ST6GAL1: variants seen among roughly 807,000 people sequenced by gnomAD.
The protein encoded by ST6GAL1 is beta-galactoside alpha-2,6-sialyltransferase 1.
ST6GAL1 carries 20 observed loss-of-function variants against 38.0 expected under a neutral mutation model. The ratio of observed to expected loss-of-function variants is 0.53; its 90% CI spans 0.37 to 0.77. ST6GAL1 has a LOEUF of 0.77. ST6GAL1 is among the 30% of genes least tolerant of loss of function. The pLI is 0.00. For synonymous variants in ST6GAL1, 196 were observed against 188.2 expected, an observed-to-expected ratio of 1.04 and a Z score of -0.34; for missense variants, 432 against 496.4, an observed-to-expected ratio of 0.87 and a Z score of 1.23.
intron 4 of ST6GAL1, among the ~76,000 whole-genome samples, chr3:187,050,510 G>A (rs532282890): frequency 6.6e-4 from 94 of 142,844 alleles, no homozygotes; most frequent in Non-Finnish European, 1.2e-3. Flanking sequence ...TTAGTACATT[G>A]TTTCTGACAA....
intron 1 of ST6GAL1, among the ~76,000 whole-genome samples, chr3:186,932,590 A>G (rs1560132445): frequency 1.3e-5 from 2 of 152,218 alleles, no homozygotes; most frequent in South Asian, 2.1e-4. Context: ...AAGGCCAGCT[A>G]CGGAGACTCA....
At position 187,072,669 on chromosome 3, in the gene ST6GAL1, A is replaced by G. The variant is rs984463818; in HGVS notation, c.706-180A>G. ...TTGTGATAAATGTCCTTTCAGGTCA[A>G]CACAGTGCAGGCTGGTATCTTTACC... On this transcript the variant is annotated intron_variant, in intron 5 of 7. Coordinates refer to ENST00000169298, the MANE Select transcript of ST6GAL1 (RefSeq NM_173216.2). 7.6e-6 allele frequency: 5 copies of G among 655,090 alleles called. No homozygotes were observed. In the African/African-American group the frequency reaches 8.9e-5, roughly 12 times the overall value. The allele number at this position is 655,090 out of a possible 1,614,324, so 40.6% of individuals were successfully genotyped here. A position where few individuals can be genotyped will look rare whatever the true frequency, so the allele number is the denominator to read the frequency against.
intron 2 of ST6GAL1, among the ~76,000 whole-genome samples, chr3:186,984,523 C>A (rs983093719): frequency 2.0e-5 from 3 of 152,126 alleles, no homozygotes; most frequent in African/African-American, 7.2e-5. Flanking sequence ...TTCCTTCCAA[C>A]CAGTGCACAC....
chr3:186,974,390 CT>C (rs1035870100), intron 2 of ST6GAL1, among the ~76,000 whole-genome samples: 1 of 152,130 alleles, frequency 6.6e-6, no homozygotes, highest in African/African-American at 2.4e-5. Flanking sequence ...TCATAACTCA[CT>C]TTATCACTCA....
chr3:186,941,446 A>G (rs1714168791), intron 1 of ST6GAL1, among the ~76,000 whole-genome samples: 1 of 152,184 alleles, frequency 6.6e-6, no homozygotes, highest in South Asian at 2.1e-4. Context: ...TTAGGACAAC[A>G]TATCGGAGGT....
At chr3:186,984,421 C>T (rs1715795617) in intron 2 of ST6GAL1, among the ~76,000 whole-genome samples, 1 of 152,116 alleles carries the variant, frequency 6.6e-6, no homozygotes, top group African/African-American at 2.4e-5. Flanking sequence ...CTTGCCAAGA[C>T]CTCAAAGGCC....
At chr3:186,947,448 G>A (rs1473707425) in intron 1 of ST6GAL1, among the ~76,000 whole-genome samples, 3 of 152,236 alleles carry the variant, frequency 2.0e-5, no homozygotes, top group African/African-American at 7.2e-5. Flanking sequence ...GATTTGTGGT[G>A]CACAGAGACC....
At chr3:186,988,440 A>G (rs1272419547) in intron 2 of ST6GAL1, among the ~76,000 whole-genome samples, 2 of 151,954 alleles carry the variant, frequency 1.3e-5, no homozygotes, top group Admixed American at 6.6e-5. Context: ...GAGATTCCCT[A>G]TAAATTTAAC....
At chr3:187,036,928 G>A (rs977600329) in intron 2 of ST6GAL1, among the ~76,000 whole-genome samples, 1 of 152,072 alleles carries the variant, frequency 6.6e-6, no homozygotes, top group East Asian at 1.9e-4. Flanking sequence ...TTTCTTCTTT[G>A]TGTGCGTATT....
chr3:187,061,100 T>G (rs1718901352), intron 5 of ST6GAL1, among the ~76,000 whole-genome samples: 3 of 152,084 alleles, frequency 2.0e-5, no homozygotes. Flanking sequence ...GAAAGGAAAT[T>G]TAAAAAACAA....
intron 2 of ST6GAL1, among the ~76,000 whole-genome samples, chr3:186,983,284 G>A (rs1050121695): frequency 6.6e-6 from 1 of 152,154 alleles, no homozygotes; most frequent in Non-Finnish European, 1.5e-5. Flanking sequence ...GGTTTTAAGG[G>A]AAGACAGACA....
At chr3:187,041,252 G>A (rs1219866792) in intron 3 of ST6GAL1, among the ~76,000 whole-genome samples, 3 of 152,176 alleles carry the variant, frequency 2.0e-5, no homozygotes, top group East Asian at 3.8e-4. Flanking sequence ...CACCAAGAAT[G>A]GGGATAAGAA....
chr3:187,037,260 CT>C (rs2108576285), intron 2 of ST6GAL1, among the ~76,000 whole-genome samples: 1 of 152,276 alleles, frequency 6.6e-6, no homozygotes, highest in African/African-American at 2.4e-5. Context: ...AATGTAAATT[CT>C]ATAAACTAGT....
intron 2 of ST6GAL1, among the ~76,000 whole-genome samples, chr3:186,990,819 A>AG (rs1028075298): frequency 2.0e-5 from 3 of 151,604 alleles, no homozygotes; most frequent in African/African-American, 7.3e-5. Flanking sequence ...ATCTCAAAAA[A>AG]GAAAAAAAAA....
At chr3:187,021,444 C>A (rs761831662) in intron 2 of ST6GAL1, among the ~76,000 whole-genome samples, 6 of 152,040 alleles carry the variant, frequency 3.9e-5, no homozygotes, top group African/African-American at 1.5e-4. Flanking sequence ...GTGGGCCTTA[C>A]AACCCTCCCA....
chr3:187,006,133 G>A lies in ST6GAL1; in HGVS notation c.-182-32609G>A, dbSNP rs916578504. On this transcript the variant is annotated intron_variant, in intron 2 of 7. Transcript: ENST00000169298. ...AGCCTAAGGAATTTATATTTTATCT[G>A]TGTTTCAGGGAACCATTGGAGGATA... The A allele has an allele frequency of 4.6e-5, 7 of 152,222 alleles. No individual in the cohort carries two copies. The East Asian group carries it at 1.3e-3, about 29-fold the overall frequency. 9.4% of individuals were successfully genotyped at this position (152,222 alleles called of 1,614,324 possible). A position where few individuals can be genotyped will look rare whatever the true frequency, so the allele number is the denominator to read the frequency against.
intron 2 of ST6GAL1, among the ~76,000 whole-genome samples, chr3:186,979,617 C>T (rs1286274398): frequency 1.3e-5 from 2 of 152,156 alleles, no homozygotes. Context: ...CTGGCTGTAG[C>T]ATCTGCGTAA....
At chr3:187,024,309 G>A (rs1371696528) in intron 2 of ST6GAL1, among the ~76,000 whole-genome samples, 1 of 151,506 alleles carries the variant, frequency 6.6e-6, no homozygotes, top group Non-Finnish European at 1.5e-5. Context: ...TTAGCCAGAT[G>A]GTCTTGATCT....
chr3:186,995,625 C>T (rs1716378011), intron 2 of ST6GAL1, among the ~76,000 whole-genome samples: 1 of 152,106 alleles, frequency 6.6e-6, no homozygotes, highest in South Asian at 2.1e-4. Flanking sequence ...GGGTGGATCA[C>T]CTGAGGTCAG....
Sources: gnomAD v4.1 joint callset for allele counts (sites outside exome capture counted in the v4.1 genomes callset) on GRCh38, gnomAD v4.1.1 for gene constraint, MANE v1.5 for transcripts, NCBI Gene and HGNC (gene_info 2026-07-23, HGNC 2026-07-21) for gene names.